ZFPM1: variants seen among roughly 807,000 people sequenced by gnomAD.
ZFPM1 encodes zinc finger protein, FOG family member 1.
A neutral mutation model predicts 46.3 loss-of-function variants in ZFPM1; 28 were observed. The ratio of observed to expected loss-of-function variants is 0.60; its 90% CI spans 0.45 to 0.83. The LOEUF is 0.83. Among genes scored for constraint, ZFPM1 ranks in the 40% least tolerant of loss-of-function variants. ZFPM1 has a pLI of 0.00. For missense variants in ZFPM1, 1,878 were observed against 1,432.4 expected, an observed-to-expected ratio of 1.31 and a Z score of -5.02; for synonymous variants, 957 against 675.9, an observed-to-expected ratio of 1.42 and a Z score of -6.45.
intron 1 of ZFPM1, among the ~76,000 whole-genome samples, chr16:88,465,858 C>T (rs545186706): frequency 6.6e-6 from 1 of 152,322 alleles, no homozygotes; most frequent in East Asian, 1.9e-4. Context: ...GATTAGAGCC[C>T]GGCGTGCGGC....
At chr16:88,506,819 G>T (rs1031433184) in intron 3 of ZFPM1, among the ~76,000 whole-genome samples, 1 of 152,206 alleles carries the variant, frequency 6.6e-6, no homozygotes, top group African/African-American at 2.4e-5. Context: ...CAGAAGCCAG[G>T]CTAATCTGCA....
chr16:88,483,616 T>C (rs766676624), intron 1 of ZFPM1, among the ~76,000 whole-genome samples: 9 of 152,176 alleles, frequency 5.9e-5, no homozygotes, highest in Non-Finnish European at 4.4e-5. Context: ...AACTTGCCAT[T>C]GTTTTCGGCC....
intron 4 of ZFPM1, among the ~76,000 whole-genome samples, chr16:88,523,514 C>T (rs1033940700): frequency 6.6e-6 from 1 of 152,140 alleles, no homozygotes; most frequent in Non-Finnish European, 1.5e-5. Context: ...TGGCACCGGG[C>T]AAGACCCTGG....
At position 88,534,105 on chromosome 16, in the gene ZFPM1, G is replaced by C. The variant is rs1164254114; in HGVS notation, c.2147G>C (p.Arg716Pro). The C allele has an allele frequency of 2.6e-6, 3 of 1,154,316 alleles. No homozygotes were observed. Among genetic ancestry groups the C allele is most frequent in the Admixed American group, 3.3e-5 (1 of 30,164 alleles). 71.5% of individuals were successfully genotyped at this position (1,154,316 alleles called of 1,614,324 possible). A position where few individuals can be genotyped will look rare whatever the true frequency, so the allele number is the denominator to read the frequency against. ...TCGCGCCACGACCCGCCGCCGCGCC[G>C]ACCGGCCGCGCCCCCGGGACCCCCT... is the stretch of plus-strand genomic sequence containing the variant. ...CASRHDPPPR[R>P]PAAPPGPPGP... The change falls in exon 10 of 10, where the codon CGA becomes CCA. Residue 716 changes from arginine (R) to proline (P), a missense_variant. Coordinates refer to ENST00000319555, the MANE Select transcript of ZFPM1 (RefSeq NM_153813.3).
upstream of ZFPM1, among the ~76,000 whole-genome samples, chr16:88,452,278 C>T (rs1907311593): frequency 6.6e-6 from 1 of 152,244 alleles, no homozygotes; most frequent in South Asian, 2.1e-4. Flanking sequence ...GAACACACCC[C>T]AGAGGGCAAC....
At chr16:88,490,377 T>A (rs1453413803) in intron 3 of ZFPM1, among the ~76,000 whole-genome samples, 2 of 152,228 alleles carry the variant, frequency 1.3e-5, no homozygotes, top group Non-Finnish European at 2.9e-5. Flanking sequence ...GTGCCTGCTG[T>A]GTGCCAGGCA....
At chr16:88,476,327 C>T (rs1271972274) in intron 1 of ZFPM1, among the ~76,000 whole-genome samples, 1 of 152,232 alleles carries the variant, frequency 6.6e-6, no homozygotes, top group Non-Finnish European at 1.5e-5. Context: ...AGGCCCTGAC[C>T]CTTCCCGTGT....
intron 1 of ZFPM1, 135 bp from the exon 2 acceptor site, chr16:88,485,804 T>A: frequency 1.4e-6 from 1 of 707,748 alleles, no homozygotes. Context: ...GACCTCAGGG[T>A]GAGGGATGAC....
chr16:88,536,936 G>C lies in ZFPM1; in HGVS notation c.*1957G>C, dbSNP rs1041822956. 10 of 152,170 alleles carry C rather than the reference G, an allele frequency of 6.6e-5. No individual in the cohort carries two copies. The highest frequency in any genetic ancestry group is 1.3e-4 in the Non-Finnish European group (9 of 68,034). The allele number at this position is 152,170 out of a possible 1,614,324, so 9.4% of individuals were successfully genotyped here. A position where few individuals can be genotyped will look rare whatever the true frequency, so the allele number is the denominator to read the frequency against. On this transcript the variant is annotated 3_prime_UTR_variant, in exon 10 of 10. Coordinates refer to ENST00000319555, the MANE Select transcript of ZFPM1 (RefSeq NM_153813.3). ...AAGTCCTCCCCAGGTGCGGGCGCAG[G>C]GTACAAGATGTTCTAAAAAATAGAA... is the stretch of plus-strand genomic sequence containing the variant.
In ZFPM1 at chr16:88,532,034, T is replaced by C; in HGVS notation, c.745T>C (p.Trp249Arg). Residue 249 changes from tryptophan to arginine, a missense_variant, in exon 7 of 10, where the codon TGG becomes CGG. Transcript: ENST00000319555. The part of the protein sequence containing the change: ...DVFPCKDCGI[W>R]YRSERNLQAH... ...CTTCCCCTGCAAGGACTGTGGCATC[T>C]GGTACCGCAGCGAGCGCAACCTGCA... 6.2e-7 allele frequency: 1 copy of C among 1,610,530 alleles called. No individual in the cohort carries two copies. Among genetic ancestry groups the C allele is most frequent in the Non-Finnish European group, 8.5e-7 (1 of 1,178,282 alleles).
intron 4 of ZFPM1, among the ~76,000 whole-genome samples, chr16:88,523,895 C>T (rs568104080): frequency 2.0e-5 from 3 of 152,204 alleles, no homozygotes; most frequent in African/African-American, 7.2e-5. Context: ...GCCCCACATA[C>T]GCGGGGTGCA....
At chr16:88,470,457 G>A (rs1429459317) in intron 1 of ZFPM1, among the ~76,000 whole-genome samples, 1 of 152,244 alleles carries the variant, frequency 6.6e-6, no homozygotes, top group Non-Finnish European at 1.5e-5. Flanking sequence ...AACCACTGGG[G>A]AGGCTGTTGT....
intron 3 of ZFPM1, 145 bp downstream of exon 3, chr16:88,489,298 C>T: frequency 2.3e-6 from 3 of 1,291,372 alleles, no homozygotes; most frequent in Non-Finnish European, 3.1e-6. Context: ...GTCCAAAGCT[C>T]AGCCAACCCG....
chr16:88,517,540 A>ATGAGTGGG (rs927965847), intron 4 of ZFPM1, among the ~76,000 whole-genome samples: 2 of 143,952 alleles, frequency 1.4e-5, no homozygotes, highest in Non-Finnish European at 3.1e-5. Context: ...GGGTGGATGG[A>ATGAGTGGG]TGAGTGGGTG....
chr16:88,452,846 C>T (rs979968933), upstream of ZFPM1, among the ~76,000 whole-genome samples: 10 of 152,066 alleles, frequency 6.6e-5, no homozygotes, highest in African/African-American at 2.4e-4. Flanking sequence ...TGCGGTGCCG[C>T]GGGGCAGCAG....
At chr16:88,468,177 C>CGCACCCGCGAGCCCACCGCCCCTCAA (rs1407004965) in intron 1 of ZFPM1, among the ~76,000 whole-genome samples, 1 of 134,990 alleles carries the variant, frequency 7.4e-6, no homozygotes, top group Non-Finnish European at 1.6e-5. Context: ...CAGGCCCTGA[C>CGCACCCGCGAGCCCACCGCCCCTCAA]GCACCCGCGA....
chr16:88,531,889 G>C, intron 6 of ZFPM1, 113 bp from the exon 7 acceptor site: 1 of 1,027,488 alleles, frequency 9.7e-7, no homozygotes, highest in Admixed American at 2.4e-5. Flanking sequence ...CTCAGCTCCT[G>C]GGGTGGGGAG....
intron 4 of ZFPM1, among the ~76,000 whole-genome samples, chr16:88,517,818 GTAGA>G (rs1204640254): frequency 3.8e-5 from 5 of 133,170 alleles, no homozygotes; most frequent in African/African-American, 1.2e-4. Flanking sequence ...GGGTGGGTGG[GTAGA>G]TGGATGGATG....
chr16:88,514,319 C>A, intron 3 of ZFPM1, 68 bp from the exon 4 acceptor site: 2 of 1,539,656 alleles, frequency 1.3e-6, no homozygotes, highest in Non-Finnish European at 1.7e-6. Flanking sequence ...TTGGGCCAAC[C>A]CTAGCGGGAG....
Sources: gnomAD v4.1 joint callset for allele counts (sites outside exome capture counted in the v4.1 genomes callset) on GRCh38, gnomAD v4.1.1 for gene constraint, MANE v1.5 for transcripts, NCBI Gene and HGNC (gene_info 2026-07-23, HGNC 2026-07-21) for gene names.